STK26: variants seen among roughly 807,000 people sequenced by gnomAD.
STK26 encodes the protein serine/threonine-protein kinase 26.
STK26 carries 14 observed loss-of-function variants against 34.7 expected under a neutral mutation model. That is an observed-to-expected ratio of 0.40 (90% CI 0.27 to 0.63). The LOEUF (loss-of-function observed/expected upper bound fraction) is 0.63, where lower values mean the gene tolerates loss of function less well. Among genes scored for constraint, STK26 ranks in the 30% least tolerant of loss-of-function variants. The pLI, the probability that STK26 is intolerant of heterozygous loss-of-function variation, is 0.38. For synonymous variants in STK26, 100 were observed against 109.8 expected (o/e 0.91, Z 0.56); for missense variants, 226 against 309.1 (o/e 0.73, Z 2.02).
chrX:132,038,567 C>T (rs755690710), intron 2 of STK26, among the ~76,000 whole-genome samples: 54 of 108,452 alleles, frequency 5.0e-4, no homozygotes, highest in Admixed American at 7.9e-4. Context: ...TTTGGGTGGC[C>T]TTTTTTTTTC....
At chrX:132,043,851 C>T (rs1236201318) in intron 2 of STK26, among the ~76,000 whole-genome samples, 1 of 111,489 alleles carries the variant, frequency 9.0e-6, no homozygotes, top group African/African-American at 3.3e-5. Flanking sequence ...GCTACCAACT[C>T]TTCTTTGAGT....
chrX:132,058,902 TAAATC>T (rs749619789), intron 3 of STK26, among the ~76,000 whole-genome samples: 1 of 109,714 alleles, frequency 9.1e-6, no homozygotes, highest in South Asian at 3.9e-4. Flanking sequence ...TTAAAGTAAA[TAAATC>T]TGTGTGTATA....
At chrX:132,047,228 T>C (rs763828474) in intron 2 of STK26, among the ~76,000 whole-genome samples, 1 of 112,195 alleles carries the variant, frequency 8.9e-6, no homozygotes, top group East Asian at 2.8e-4. Flanking sequence ...TAACTTGTAG[T>C]ATGAACCTGA....
chrX:132,059,228 C>A (rs1926967575), intron 3 of STK26, among the ~76,000 whole-genome samples: 1 of 111,641 alleles, frequency 9.0e-6, no homozygotes, highest in African/African-American at 3.3e-5. Flanking sequence ...TTTCAGGTGA[C>A]ATGGAGGATT....
In STK26 at chrX:132,055,873, TA is replaced by T. The variant is rs997071930; in HGVS notation, c.273+1013del. Reference sequence around the variant, plus strand: ...AAATAAAACTTCGGATATCCATCTATACCTTTACGAAATAACCTGTCTTCAA... The same window carrying T: ...AAATAAAACTTCGGATATCCATCTATCCTTTACGAAATAACCTGTCTTCAA... On this transcript the variant is annotated intron_variant, in intron 3 of 11. Coordinates refer to ENST00000394334, the MANE Select transcript of STK26 (RefSeq NM_016542.4). 2.7e-5 allele frequency among the ~76,000 whole-genome samples: 3 copies of T among 112,233 alleles called. No individual in the cohort carries two copies. In the Admixed American group the frequency reaches 2.8e-4, roughly 11 times the overall value.
intron 3 of STK26, among the ~76,000 whole-genome samples, chrX:132,060,693 G>A (rs1181750160): frequency 9.3e-6 from 1 of 107,726 alleles, no homozygotes; most frequent in Non-Finnish European, 1.9e-5. Context: ...TTGGCCCACT[G>A]CAGCCTCCAC....
rs889162013 is a variant in STK26 at position 132,036,477 on chromosome X, C to G, written c.42+12818C>G. 8.1e-5 allele frequency among the ~76,000 whole-genome samples: 9 copies of G among 111,447 alleles called. No individual in the cohort carries two copies. The East Asian group carries it at 2.5e-3, about 31-fold the overall frequency. ...GGGTGTATTGGTGCACGCCTATAATCCCAGCTGCTCATGAGGCTGAGGGAG... is the reference window on the plus strand; with the variant it reads ...GGGTGTATTGGTGCACGCCTATAATGCCAGCTGCTCATGAGGCTGAGGGAG... On this transcript the variant is annotated intron_variant, in intron 2 of 11. Coordinates refer to ENST00000394334, the MANE Select transcript of STK26 (RefSeq NM_016542.4).
At chrX:132,068,073 T>C (rs910323306) in intron 4 of STK26, 142 bp from the exon 5 acceptor site, 4 of 418,810 alleles carry the variant, frequency 9.6e-6, no homozygotes, top group Admixed American at 5.0e-5. Context: ...CATTTTTCCT[T>C]CCTTGTTTAG....
At chrX:132,027,208 G>A (rs1200502615) in intron 2 of STK26, among the ~76,000 whole-genome samples, 1 of 112,071 alleles carries the variant, frequency 8.9e-6, no homozygotes, top group African/African-American at 3.2e-5. Flanking sequence ...ATCCCCAGCA[G>A]AGGTAGACAG....
chrX:132,027,109 C>G (rs1267808871), intron 2 of STK26, among the ~76,000 whole-genome samples: 1 of 112,122 alleles, frequency 8.9e-6, no homozygotes, highest in Admixed American at 9.4e-5. Flanking sequence ...AAGTTTCTCA[C>G]TGGAAGTGTT....
intron 6 of STK26, 52 bp from the exon 7 acceptor site, chrX:132,069,410 CATATATATATATATAT>C (rs57609807): frequency 0.02 from 1,795 of 91,667 alleles, 49 homozygotes; most frequent in African/African-American, 0.048. Flanking sequence ...CATACATACA[CATATATATATATATAT>C]ATATATATAT....
At chrX:132,073,382 C>T (rs1203592356) in intron 11 of STK26, among the ~76,000 whole-genome samples, 1 of 111,786 alleles carries the variant, frequency 8.9e-6, no homozygotes, top group African/African-American at 3.2e-5. Context: ...AGCATATTCT[C>T]ATTTGAGCTC....
chrX:132,068,928 C>T (rs1043133300), intron 6 of STK26, among the ~76,000 whole-genome samples: 4 of 110,707 alleles, frequency 3.6e-5, no homozygotes, highest in African/African-American at 9.9e-5. Flanking sequence ...CAAGTACACC[C>T]TGGCCTCAGG....
intron 2 of STK26, 105 bp downstream of exon 2, chrX:132,023,764 G>A: frequency 3.0e-6 from 3 of 988,107 alleles, no homozygotes; most frequent in Non-Finnish European, 4.1e-6. Flanking sequence ...GGGCTCCCCT[G>A]AGGGCAGGGC....
At chrX:132,071,339 AG>A (rs893391062) in intron 8 of STK26, 122 bp downstream of exon 8, 2 of 806,622 alleles carry the variant, frequency 2.5e-6, no homozygotes, top group Admixed American at 6.9e-5. Flanking sequence ...ATTTCACCTT[AG>A]AAACTGTAAA....
chrX:132,042,751 C>T (rs1926312389), intron 2 of STK26, among the ~76,000 whole-genome samples: 1 of 111,061 alleles, frequency 9.0e-6, no homozygotes, highest in Admixed American at 9.6e-5. Context: ...TGTTCAATAA[C>T]CTCCTCTCTT....
intron 2 of STK26, among the ~76,000 whole-genome samples, chrX:132,049,108 A>G (rs1222004952): frequency 9.0e-6 from 1 of 111,117 alleles, no homozygotes; most frequent in Admixed American, 9.6e-5. Flanking sequence ...TGTGCTGAGT[A>G]GCTGGGACTA....
At chrX:132,025,618 A>G (rs1020214726) in intron 2 of STK26, among the ~76,000 whole-genome samples, 2 of 106,214 alleles carry the variant, frequency 1.9e-5, no homozygotes, top group Non-Finnish European at 3.9e-5. Context: ...TAGGGCAAAC[A>G]TCTCAACGTT....
intron 2 of STK26, among the ~76,000 whole-genome samples, chrX:132,032,053 C>T (rs1478799026): frequency 9.0e-6 from 1 of 111,336 alleles, no homozygotes; most frequent in Non-Finnish European, 1.9e-5. Context: ...CTGCCTCTCC[C>T]CACCACCCCT....
Sources: allele counts gnomAD v4.1 joint callset (sites outside exome capture counted in the v4.1 genomes callset), GRCh38; gene constraint gnomAD v4.1.1; transcripts MANE v1.5; gene names NCBI Gene and HGNC (gene_info 2026-07-23, HGNC 2026-07-21).